The following DNAJC13 variants were observed in gnomAD, a reference collection of about 807,000 sequenced individuals.
The protein encoded by DNAJC13 is DnaJ heat shock protein family (Hsp40) member C13.
Under a neutral mutation model 290.5 loss-of-function variants are expected in DNAJC13, and 75 were observed. The ratio of observed to expected loss-of-function variants is 0.26; its 90% confidence interval spans 0.21 to 0.31. The LOEUF is 0.31. DNAJC13 is among the 10% of genes least tolerant of loss of function. The probability of loss-of-function intolerance (pLI) is 1.00; values close to 1 mark genes in which losing one functional copy is unlikely to be tolerated. For missense variants in DNAJC13, 2,260 were observed against 2,674.5 expected, an observed-to-expected ratio of 0.85 and a Z score of 3.42; for synonymous variants, 862 against 892.0, an observed-to-expected ratio of 0.97 and a Z score of 0.60.
intron 2 of DNAJC13, among the ~76,000 whole-genome samples, chr3:132,444,018 A>G (rs1251105705): frequency 1.3e-5 from 2 of 152,174 alleles, no homozygotes; most frequent in African/African-American, 2.4e-5. Flanking sequence ...TTGCTACCTT[A>G]TTGCAGGGGC....
In DNAJC13 at chr3:132,482,292, G is replaced by C. The variant is rs371766447; in HGVS notation, c.2941G>C (p.Ala981Pro). 6.2e-7 allele frequency: 1 copy of C among 1,613,586 alleles called. No homozygotes were observed. Among genetic ancestry groups the C allele is most frequent in the Non-Finnish European group, 8.5e-7 (1 of 1,179,768 alleles). The change falls in exon 27 of 56, where the codon GCA (alanine) becomes CCA (proline). Residue 981 changes from alanine to proline, a missense_variant. Transcript: ENST00000260818. ...TGAAAAGGAATGGTATTTTGGCAAC[G>C]CAGACAAAGAAAGGAGTGGCCCGTA... ...ESEKEWYFGNADKERSGPYGF... is the reference protein window; with the variant it reads ...ESEKEWYFGNPDKERSGPYGF...
intron 29 of DNAJC13, among the ~76,000 whole-genome samples, chr3:132,486,182 G>A (rs1025027843): frequency 7.5e-5 from 10 of 134,028 alleles, no homozygotes; most frequent in South Asian, 4.6e-4. Flanking sequence ...ATTTCCATTC[G>A]TATCCTTCAG....
rs960447143 is a variant in DNAJC13, at chr3:132,538,598, AT to A, written c.*326del. ...CAAAACTTTCTTCCTAGTTTTTGTA[AT>A]TTTTTTTTTGAACTAGCATGACTGT... is the stretch of plus-strand genomic sequence containing the variant. On this transcript the variant is annotated 3_prime_UTR_variant, in exon 56 of 56. Coordinates refer to ENST00000260818, the MANE Select transcript of DNAJC13 (RefSeq NM_015268.4). 2.2e-3 allele frequency: 404 copies of A among 182,480 alleles called. No homozygotes were observed. Among genetic ancestry groups the A allele is most frequent in the South Asian group, 5.3e-3 (37 of 6,988 alleles). The allele number at this position is 182,480 out of a possible 1,614,324, so 11.3% of individuals were successfully genotyped here.
At chr3:132,525,861 T>C in intron 52 of DNAJC13, 72 bp downstream of exon 52, 8 of 1,489,222 alleles carry the variant, frequency 5.4e-6, no homozygotes, top group Non-Finnish European at 7.3e-6. Flanking sequence ...CGGATATAAG[T>C]TGTAGTATTA....
chr3:132,463,607 TC>T, intron 16 of DNAJC13, 88 bp from the exon 17 acceptor site: 1 of 1,431,824 alleles, frequency 7.0e-7, no homozygotes, highest in African/African-American at 1.5e-5. Flanking sequence ...AATGTTTTTT[TC>T]ATTTAAATAT....
intron 50 of DNAJC13, 83 bp from the exon 51 acceptor site, chr3:132,523,457 T>A: frequency 6.9e-7 from 1 of 1,456,560 alleles, no homozygotes; most frequent in Non-Finnish European, 9.3e-7. Flanking sequence ...TGGTTAACAT[T>A]ATAAACAATT....
rs145760967 is a variant in DNAJC13, at chr3:132,427,990, T to A, written c.-13-6548T>A. ...GATTATTAACATCATTTTAATGGAA[T>A]GTTAATGTAGCCTGTTGTGCTAGTC... is the stretch of plus-strand genomic sequence containing the variant. On this transcript the variant is annotated intron_variant, in intron 1 of 55. Transcript: ENST00000260818. 7.8e-4 allele frequency among the ~76,000 whole-genome samples: 119 copies of A among 152,332 alleles called. 4 individuals are homozygous for A. The East Asian group carries it at 0.017, about 22-fold the overall frequency.
chr3:132,536,622 A>T (rs1181110993), intron 55 of DNAJC13, among the ~76,000 whole-genome samples: 1 of 152,194 alleles, frequency 6.6e-6, no homozygotes, highest in South Asian at 2.1e-4. Flanking sequence ...TAAGGGTTAC[A>T]TCTTTGATGA....
chr3:132,482,597 G>A lies in DNAJC13; in HGVS notation c.2979+267G>A, dbSNP rs76069881. Among the ~76,000 whole-genome samples, 920 of 152,262 alleles carry A rather than the reference G, an allele frequency of 6.0e-3. 10 individuals carry two copies. Among genetic ancestry groups the A allele is most frequent in the East Asian group, 0.029 (152 of 5,172 alleles). ...TTTATGTAATAATTTCTGGCTGGGT[G>A]TAGTGGCTTACACCTGTAATTCCGG... On this transcript the variant is annotated intron_variant, in intron 27 of 55. Transcript: ENST00000260818.
intron 42 of DNAJC13, 140 bp downstream of exon 42, chr3:132,505,555 G>A: frequency 3.2e-6 from 2 of 619,178 alleles, no homozygotes; most frequent in Non-Finnish European, 5.7e-6. Context: ...CTAATATTTG[G>A]CCCATTTAAG....
intron 38 of DNAJC13, among the ~76,000 whole-genome samples, chr3:132,500,420 T>A (rs150539267): frequency 5.6e-4 from 86 of 152,328 alleles, no homozygotes; most frequent in African/African-American, 1.9e-3. Flanking sequence ...CCAGCAAACT[T>A]CTAAAATAAA....
rs1035945379 is a variant in DNAJC13 at position 132,456,742 on chromosome 3, C to A, written c.1259C>A (p.Ala420Asp). The A allele has an allele frequency of 6.2e-7, 1 of 1,613,960 alleles. No individual in the cohort carries two copies. Among genetic ancestry groups the A allele is most frequent in the African/African-American group, 1.3e-5 (1 of 74,908 alleles). The stretch of plus-strand genomic sequence containing the variant: ...CTGTCCCAAGAAGGGGATGTCGTTG[C>A]TTCAAATGCGGAACTTGAGAGTCAG... ...ALLSQEGDVV[A>D]SNAELESQFQ... The change falls in exon 12 of 56, where the codon GCT becomes GAT. Residue 420 changes from alanine to aspartate, a missense_variant. Around this residue, in one of 3 missense-constraint regions of DNAJC13, gnomAD observed 762 missense variants for 964.1 expected, o/e 0.79. Transcript: ENST00000260818.
intron 55 of DNAJC13, among the ~76,000 whole-genome samples, chr3:132,537,807 T>A (rs1308133908): frequency 1.3e-5 from 2 of 152,250 alleles, no homozygotes; most frequent in Non-Finnish European, 2.9e-5. Flanking sequence ...GACTTTTGGA[T>A]GAGCTGAGTG....
chr3:132,426,594 G>C (rs1456606413), intron 1 of DNAJC13, among the ~76,000 whole-genome samples: 4 of 152,070 alleles, frequency 2.6e-5, no homozygotes, highest in Non-Finnish European at 5.9e-5. Context: ...GCTTATATTT[G>C]ACTGTTACTG....
intron 43 of DNAJC13, among the ~76,000 whole-genome samples, chr3:132,510,089 T>C (rs1388373016): frequency 6.6e-6 from 1 of 152,194 alleles, no homozygotes; most frequent in Non-Finnish European, 1.5e-5. Context: ...CTTTTTCTTA[T>C]ATTTTGTGCC....
intron 37 of DNAJC13, among the ~76,000 whole-genome samples, chr3:132,499,523 G>A (rs983181989): frequency 1.3e-5 from 2 of 152,106 alleles, no homozygotes; most frequent in Non-Finnish European, 2.9e-5. Flanking sequence ...AACCGATAAT[G>A]GTAATATTGT....
In DNAJC13 at chr3:132,523,706, A is replaced by G. The variant is rs779390994; in HGVS notation, c.6053A>G (p.Asn2018Ser). The change falls in exon 51 of 56, where the codon AAT (asparagine) becomes AGT (serine). Residue 2018 changes from asparagine (N) to serine (S), a missense_variant. Asn to Ser is a conservative substitution (Grantham distance 46). Coordinates refer to ENST00000260818, the MANE Select transcript of DNAJC13 (RefSeq NM_015268.4). ...EKLTELLEKN[N>S]PHGETLETLT... ...TTAACTGAGCTCCTAGAGAAGAACAATCCTCATGTAAGCTTCAGTCAAAAG... is the reference window on the plus strand; with the variant it reads ...TTAACTGAGCTCCTAGAGAAGAACAGTCCTCATGTAAGCTTCAGTCAAAAG... 6.2e-7 allele frequency: 1 copy of G among 1,612,584 alleles called. No homozygotes were observed. The highest frequency in any genetic ancestry group is 8.5e-7 in the Non-Finnish European group (1 of 1,179,488).
Position 132,496,674 on chromosome 3 carries a change from T to A in DNAJC13, c.4156+11T>A. 1 of 1,589,458 alleles carries A rather than the reference T, an allele frequency of 6.3e-7. No homozygotes were observed. The highest frequency in any genetic ancestry group is 8.5e-7 in the Non-Finnish European group (1 of 1,170,108). ...ACCGTCATAAAGAAGGTAAGATGTC[T>A]GTTCTCAGATTTTAATTTATCCTCC... is the stretch of plus-strand genomic sequence containing the variant. On this transcript the variant is annotated intron_variant, in intron 36 of 55. Transcript: ENST00000260818.
rs1416605292 is a variant in DNAJC13 at position 132,516,455 on chromosome 3, T to C, written c.5519T>C (p.Leu1840Ser). The C allele has an allele frequency of 1.9e-6, 3 of 1,613,734 alleles. No individual in the cohort carries two copies. The highest frequency in any genetic ancestry group is 2.2e-5 in the South Asian group (2 of 91,084). ...RQLVLETLYA[L>S]TSSTKIIKEA... The stretch of plus-strand genomic sequence containing the variant: ...CTTGTTCTGGAAACTCTTTATGCTT[T>C]GACATCGAGTACAAAAATAATCAAA... Residue 1840 changes from leucine (L) to serine (S), a missense_variant, in exon 47 of 56, where the codon TTG (leucine) becomes TCG (serine). Around this residue, in one of 3 missense-constraint regions of DNAJC13, gnomAD observed 1,494 missense variants for 1,693.7 expected, o/e 0.88. Transcript: ENST00000260818.
Sources: gnomAD v4.1 joint callset for allele counts (sites outside exome capture counted in the v4.1 genomes callset) on GRCh38, gnomAD v4.1.1 for gene constraint, gnomAD v4.1.1 regional missense constraint, MANE v1.5 for transcripts, NCBI Gene and HGNC (gene_info 2026-07-23, HGNC 2026-07-21) for gene names.